PDE4D: variants seen among roughly 807,000 people sequenced by gnomAD.
PDE4D encodes phosphodiesterase 4D.
PDE4D carries 24 observed loss-of-function variants against 87.4 expected under a neutral mutation model. The ratio of observed to expected loss-of-function variants is 0.27; its 90% CI spans 0.20 to 0.39. The LOEUF is 0.39. PDE4D is among the 10% of genes least tolerant of loss of function. The probability of loss-of-function intolerance (pLI) is 1.00; values close to 1 mark genes in which losing one functional copy is unlikely to be tolerated. For synonymous variants in PDE4D, 384 were observed against 383.2 expected, an observed-to-expected ratio of 1.00 and a Z score of -0.02; for missense variants, 714 against 1,041.0, an observed-to-expected ratio of 0.69 and a Z score of 4.32.
chr5:59,256,636 T>A (rs929221935), intron 1 of PDE4D, among the ~76,000 whole-genome samples: 1 of 152,072 alleles, frequency 6.6e-6, no homozygotes, highest in African/African-American at 2.4e-5. Flanking sequence ...TGAGTGTTCA[T>A]GGAACGTAGG....
At chr5:59,617,003 C>T (rs922896061) in intron 1 of PDE4D, among the ~76,000 whole-genome samples, 16 of 139,088 alleles carry the variant, frequency 1.2e-4, no homozygotes, top group African/African-American at 3.7e-4. Context: ...TACTTTTTGT[C>T]GTTTTCTTCT....
intron 1 of PDE4D, among the ~76,000 whole-genome samples, chr5:59,358,679 C>T (rs1186410688): frequency 1.3e-5 from 2 of 151,486 alleles, no homozygotes; most frequent in African/African-American, 2.4e-5. Context: ...TGGTGATCTG[C>T]GTAAAGAGGG....
At chr5:59,476,571 T>C (rs1803318599) in intron 1 of PDE4D, among the ~76,000 whole-genome samples, 1 of 152,094 alleles carries the variant, frequency 6.6e-6, no homozygotes, top group Non-Finnish European at 1.5e-5. Context: ...ACTGTAATTA[T>C]TCTCTCCTGG....
chr5:60,131,473 G>T (rs1454943118), intron 2 of PDE4D, among the ~76,000 whole-genome samples: 2 of 152,220 alleles, frequency 1.3e-5, no homozygotes, highest in Non-Finnish European at 2.9e-5. Flanking sequence ...ATGCAAGAAT[G>T]AAGTTAATGT....
In PDE4D at chr5:59,147,401, T is replaced by A. The variant is rs188177927; in HGVS notation, c.808+33194A>T. On this transcript the variant is annotated intron_variant, in intron 5 of 14. Coordinates refer to ENST00000340635, the MANE Select transcript of PDE4D (RefSeq NM_001104631.2). The stretch of plus-strand genomic sequence containing the variant: ...TTCAGTTAAATTGGAAGATTTTTTT[T>A]AAAAAAAACCTCAAACATTTTCTAA... 5.6e-3 allele frequency among the ~76,000 whole-genome samples: 848 copies of A among 152,108 alleles called. 9 individuals carry two copies. The highest frequency in any genetic ancestry group is 9.5e-3 in the Non-Finnish European group (644 of 67,962).
chr5:59,335,310 C>T (rs1777471115), intron 1 of PDE4D, among the ~76,000 whole-genome samples: 1 of 152,090 alleles, frequency 6.6e-6, no homozygotes, highest in Admixed American at 6.6e-5. Flanking sequence ...GAAGCAATAG[C>T]AATAGGAGAC....
At chr5:59,881,118 T>A (rs1277147317) in intron 1 of PDE4D, among the ~76,000 whole-genome samples, 11 of 152,210 alleles carry the variant, frequency 7.2e-5, no homozygotes, top group Admixed American at 7.2e-4. Flanking sequence ...GGCAATTATT[T>A]TCTCAGTCAA....
At chr5:58,976,536 CAGAATATA>C in intron 12 of PDE4D, 64 bp from the exon 13 acceptor site, 1 of 1,248,562 alleles carries the variant, frequency 8.0e-7, no homozygotes, top group South Asian at 1.4e-5. Context: ...AAATATTACG[CAGAATATA>C]AGAATGAAAA....
intron 2 of PDE4D, among the ~76,000 whole-genome samples, chr5:60,057,277 G>A (rs1360372224): frequency 1.3e-5 from 2 of 152,026 alleles, no homozygotes; most frequent in Non-Finnish European, 2.9e-5. Context: ...AATCACAGTT[G>A]TGAAATTTGA....
intron 2 of PDE4D, among the ~76,000 whole-genome samples, chr5:60,046,499 G>C (rs1275947201): frequency 2.6e-5 from 4 of 152,024 alleles, no homozygotes; most frequent in Non-Finnish European, 4.4e-5. Context: ...TATTGGCTGT[G>C]GGTTTGTCAT....
intron 1 of PDE4D, among the ~76,000 whole-genome samples, chr5:60,412,603 T>C (rs951676887): frequency 5.3e-5 from 8 of 152,222 alleles, no homozygotes; most frequent in South Asian, 2.1e-4. Context: ...TAGATACTTA[T>C]AGCAAAAGGA....
intron 5 of PDE4D, among the ~76,000 whole-genome samples, chr5:59,046,332 ATG>A (rs35900836): frequency 2.0e-5 from 3 of 151,492 alleles, no homozygotes; most frequent in Non-Finnish European, 4.4e-5. Context: ...GTGCACATGC[ATG>A]TGTGTGTGTG....
At chr5:59,699,690 C>A (rs1413755568) in intron 1 of PDE4D, among the ~76,000 whole-genome samples, 1 of 152,056 alleles carries the variant, frequency 6.6e-6, no homozygotes, top group Non-Finnish European at 1.5e-5. Flanking sequence ...ATCAATGGAA[C>A]CTTTGTTTAT....
intron 1 of PDE4D, among the ~76,000 whole-genome samples, chr5:59,255,677 T>G (rs1008486169): frequency 3.3e-5 from 5 of 152,082 alleles, no homozygotes; most frequent in Non-Finnish European, 5.9e-5. Context: ...AAATACAAAC[T>G]GCAGAACAAT....
intron 1 of PDE4D, among the ~76,000 whole-genome samples, chr5:59,265,957 C>A (rs1400088182): frequency 3.9e-5 from 6 of 152,060 alleles, no homozygotes; most frequent in Non-Finnish European, 8.8e-5. Context: ...ATGCGAATTA[C>A]AGCTACTTAC....
intron 1 of PDE4D, among the ~76,000 whole-genome samples, chr5:60,396,890 C>A (rs1319572255): frequency 1.3e-5 from 2 of 152,210 alleles, no homozygotes; most frequent in East Asian, 1.9e-4. Flanking sequence ...CAGCCAAATT[C>A]AGACGTGGAC....
At chr5:59,034,545 A>G (rs564929551) in intron 6 of PDE4D, among the ~76,000 whole-genome samples, 6 of 152,204 alleles carry the variant, frequency 3.9e-5, no homozygotes, top group Non-Finnish European at 5.9e-5. Flanking sequence ...ACATCAACAA[A>G]AAGTCCTACT....
At chr5:59,411,523 G>C (rs1390559656) in intron 1 of PDE4D, among the ~76,000 whole-genome samples, 10 of 152,182 alleles carry the variant, frequency 6.6e-5, no homozygotes, top group African/African-American at 2.4e-4. Flanking sequence ...GGCGTCAACA[G>C]GTTTAGTTTC....
intron 1 of PDE4D, among the ~76,000 whole-genome samples, chr5:60,360,873 T>C (rs1393002956): frequency 1.3e-5 from 2 of 152,214 alleles, no homozygotes; most frequent in African/African-American, 4.8e-5. Context: ...CAGTCTTCAC[T>C]CCACGACTAA....
Sources: allele counts gnomAD v4.1 joint callset (sites outside exome capture counted in the v4.1 genomes callset), GRCh38; gene constraint gnomAD v4.1.1; transcripts MANE v1.5; gene names NCBI Gene and HGNC (gene_info 2026-07-23, HGNC 2026-07-21).